Variants in SLCO2A1 observed in about 807,000 individuals in gnomAD.
SLCO2A1 encodes matrin F/G 1.
In SLCO2A1, 60 loss-of-function variants were observed where a neutral mutation model predicts 71.7. That is an observed-to-expected ratio of 0.84 (90% CI 0.68 to 1.04). The LOEUF is 1.04. Among genes scored for constraint, SLCO2A1 ranks in the 50% least tolerant of loss-of-function variants. SLCO2A1 has a pLI of 0.00. For synonymous variants in SLCO2A1, 308 were observed against 326.7 expected (o/e 0.94, Z 0.62); for missense variants, 745 against 813.4 (o/e 0.92, Z 1.02).
chr3:133,933,764 A>G lies in SLCO2A1; in HGVS notation c.*949T>C, dbSNP rs1576422582. On this transcript the variant is annotated 3_prime_UTR_variant, in exon 14 of 14. Transcript: ENST00000310926. ...CTCTACTCCTCGGAATACGGGCTGAAGTCCAGACAGGGAAGTGCATGTGAA... is the reference window on the plus strand; with the variant it reads ...CTCTACTCCTCGGAATACGGGCTGAGGTCCAGACAGGGAAGTGCATGTGAA... 1 of 152,380 alleles carries G rather than the reference A, an allele frequency of 6.6e-6. No homozygotes were observed. The highest frequency in any genetic ancestry group is 1.9e-4 in the East Asian group (1 of 5,178). The allele number at this position is 152,380 out of a possible 1,614,324, so 9.4% of individuals were successfully genotyped here.
intron 6 of SLCO2A1, 190 bp downstream of exon 6, chr3:133,951,018 A>T: frequency 1.4e-6 from 1 of 699,756 alleles, no homozygotes; most frequent in South Asian, 1.6e-5. Flanking sequence ...CATAGGAGAT[A>T]CCACCTTTTG....
chr3:133,975,198 T>C (rs1031785633), intron 2 of SLCO2A1, among the ~76,000 whole-genome samples: 1 of 152,082 alleles, frequency 6.6e-6, no homozygotes, highest in African/African-American at 2.4e-5. Flanking sequence ...AGTCCCACAG[T>C]CTCAGCTCAT....
chr3:133,972,176 A>G (rs1479979703), intron 3 of SLCO2A1, among the ~76,000 whole-genome samples: 11 of 152,248 alleles, frequency 7.2e-5, no homozygotes, highest in Non-Finnish European at 1.6e-4. Context: ...GTCACAGAGC[A>G]GAGAGATTTG....
At chr3:133,992,114 C>T (rs1439127627) in intron 1 of SLCO2A1, among the ~76,000 whole-genome samples, 1 of 152,186 alleles carries the variant, frequency 6.6e-6, no homozygotes, top group Non-Finnish European at 1.5e-5. Context: ...TAGTTTAGTA[C>T]GCTCAACTTC....
intron 3 of SLCO2A1, among the ~76,000 whole-genome samples, chr3:133,965,780 G>T (rs1393786362): frequency 1.4e-5 from 1 of 70,928 alleles, no homozygotes; most frequent in Non-Finnish European, 3.2e-5. Flanking sequence ...GCCCCCAAAG[G>T]GCTGGAAGCC....
chr3:133,937,075 CAGCG>C (rs1933287133), intron 12 of SLCO2A1, among the ~76,000 whole-genome samples: 2 of 152,098 alleles, frequency 1.3e-5, no homozygotes, highest in East Asian at 3.9e-4. Context: ...AAAGCAAAAG[CAGCG>C]AGTGCTTCAA....
intron 1 of SLCO2A1, among the ~76,000 whole-genome samples, chr3:133,996,655 G>A (rs989806341): frequency 3.3e-5 from 5 of 152,168 alleles, no homozygotes; most frequent in Non-Finnish European, 5.9e-5. Flanking sequence ...GCATTCCCCT[G>A]CCTGCCGAGA....
At chr3:133,996,141 G>C (rs934533785) in intron 1 of SLCO2A1, among the ~76,000 whole-genome samples, 1 of 152,184 alleles carries the variant, frequency 6.6e-6, no homozygotes, top group Non-Finnish European at 1.5e-5. Flanking sequence ...ACAGCCCGAG[G>C]AGGTTTCATC....
Position 133,935,834 on chromosome 3 carries a change from G to T in SLCO2A1, c.1754C>A (p.Ser585Ter). The T allele has an allele frequency of 6.2e-7, 1 of 1,611,762 alleles. No individual in the cohort carries two copies. Among genetic ancestry groups the T allele is most frequent in the Non-Finnish European group, 8.5e-7 (1 of 1,178,566 alleles). ...TIDHSCIRWN[S>*]LCLGRRGACA... ...GGCCCCTCGCCTCCCCAAGCACAGC[G>T]AGTTCCACCGGATGCAGGAGTGGTC... The change falls in exon 13 of 14, where the codon TCG becomes TAG. Residue 585 changes from serine (S) to a stop codon, truncating the protein, a stop_gained. Coordinates refer to ENST00000310926, the MANE Select transcript of SLCO2A1 (RefSeq NM_005630.3). LOFTEE classifies it high-confidence loss of function.
At chr3:133,942,568 A>G (rs2108038892) in intron 11 of SLCO2A1, 37 bp downstream of exon 11, 1 of 1,565,340 alleles carries the variant, frequency 6.4e-7, no homozygotes, top group South Asian at 1.2e-5. Flanking sequence ...GGGGAAGGAG[A>G]AGCCACGCCC....
At chr3:133,950,066 C>G (rs1353542060) in intron 6 of SLCO2A1, among the ~76,000 whole-genome samples, 1 of 152,000 alleles carries the variant, frequency 6.6e-6, no homozygotes, top group African/African-American at 2.4e-5. Context: ...AACTTCATTC[C>G]TTCCCTACCC....
chr3:134,019,612 G>A (rs1338227208), intron 1 of SLCO2A1, among the ~76,000 whole-genome samples: 1 of 152,100 alleles, frequency 6.6e-6, no homozygotes, highest in Non-Finnish European at 1.5e-5. Context: ...AGCCCCATGA[G>A]CTGGATATTG....
chr3:133,989,078 C>G (rs1045802618), intron 1 of SLCO2A1, among the ~76,000 whole-genome samples: 4 of 152,156 alleles, frequency 2.6e-5, no homozygotes, highest in African/African-American at 9.7e-5. Context: ...TTAGATTGGC[C>G]GGCGGGCCCT....
chr3:134,014,495 G>A (rs1330421730), intron 1 of SLCO2A1, among the ~76,000 whole-genome samples: 1 of 152,168 alleles, frequency 6.6e-6, no homozygotes, highest in African/African-American at 2.4e-5. Flanking sequence ...GACACACCCA[G>A]GGAATTAAGG....
At chr3:133,988,483 T>C (rs1424279174) in intron 1 of SLCO2A1, among the ~76,000 whole-genome samples, 1 of 152,230 alleles carries the variant, frequency 6.6e-6, no homozygotes, top group Non-Finnish European at 1.5e-5. Flanking sequence ...CGAAGTCTCA[T>C]GTCTCCCTAA....
chr3:133,949,089 A>G, intron 6 of SLCO2A1, 118 bp from the exon 7 acceptor site: 1 of 799,112 alleles, frequency 1.3e-6, no homozygotes, highest in South Asian at 1.5e-5. Flanking sequence ...AGCCCCCTCC[A>G]GGCGTGTGTG....
At chr3:134,005,470 C>T (rs1308338759) in intron 1 of SLCO2A1, among the ~76,000 whole-genome samples, 2 of 141,740 alleles carry the variant, frequency 1.4e-5, no homozygotes, top group Admixed American at 1.5e-4. Context: ...AGTCCATTTT[C>T]ATGTGTTATA....
chr3:133,947,535 G>T, intron 8 of SLCO2A1, 90 bp from the exon 9 acceptor site: 4 of 1,110,410 alleles, frequency 3.6e-6, no homozygotes, highest in African/African-American at 1.6e-5. Context: ...TGAGAAGGAA[G>T]CATGGCTTCA....
At chr3:133,949,695 T>C (rs9874493) in intron 6 of SLCO2A1, among the ~76,000 whole-genome samples, 25,561 of 152,244 alleles carry the variant, frequency 0.17, 2,355 homozygotes, top group African/African-American at 0.22. Context: ...CCAGTATTCA[T>C]ATGCTTTGTC....
Sources: allele counts gnomAD v4.1 joint callset (sites outside exome capture counted in the v4.1 genomes callset), GRCh38; gene constraint gnomAD v4.1.1; transcripts MANE v1.5; gene names NCBI Gene and HGNC (gene_info 2026-07-23, HGNC 2026-07-21).